Variants in TMEM116 observed in about 807,000 individuals in gnomAD.
TMEM116 encodes the protein transmembrane protein 116.
Under a neutral mutation model 44.3 loss-of-function variants are expected in TMEM116, and 38 were observed. The ratio of observed to expected loss-of-function variants is 0.86; its 90% CI spans 0.66 to 1.12. The LOEUF (loss-of-function observed/expected upper bound fraction) is 1.12, where lower values mean the gene tolerates loss of function less well. Among genes scored for constraint, TMEM116 ranks in the 50% most tolerant of loss-of-function variants. The pLI is 0.00. For synonymous variants in TMEM116, 132 were observed against 144.8 expected, an observed-to-expected ratio of 0.91 and a Z score of 0.64; for missense variants, 354 against 401.7, an observed-to-expected ratio of 0.88 and a Z score of 1.01.
chr12:112,006,273 A>C (rs1367128753), intron 1 of TMEM116: 1 of 152,272 alleles, frequency 6.6e-6, no homozygotes, highest in Non-Finnish European at 1.5e-5. Context: ...TAAAAAGCAG[A>C]CAGATACAGA....
chr12:111,940,622 A>G (rs987194846), intron 5 of TMEM116, among the ~76,000 whole-genome samples: 3 of 146,910 alleles, frequency 2.0e-5, no homozygotes, highest in South Asian at 2.2e-4. Flanking sequence ...CCAGTGATAG[A>G]GTATGGGTTA....
At chr12:111,944,514 G>A (rs769086302) in intron 4 of TMEM116, among the ~76,000 whole-genome samples, 4 of 152,052 alleles carry the variant, frequency 2.6e-5, no homozygotes, top group Non-Finnish European at 4.4e-5. Flanking sequence ...AAATTAGAGT[G>A]AGTACAGGAG....
chr12:111,953,388 A>G (rs1459751003), intron 4 of TMEM116, among the ~76,000 whole-genome samples: 1 of 152,208 alleles, frequency 6.6e-6, no homozygotes, highest in Non-Finnish European at 1.5e-5. Context: ...TGCTTTCAGA[A>G]AAAGATCTTG....
chr12:111,933,436 G>A (rs1362440970), intron 9 of TMEM116, among the ~76,000 whole-genome samples: 1 of 151,600 alleles, frequency 6.6e-6, no homozygotes, highest in African/African-American at 2.4e-5. Context: ...CTGGAAATAT[G>A]GGTAGGGCCC....
At chr12:111,955,354 G>A (rs2074006862) in intron 4 of TMEM116, among the ~76,000 whole-genome samples, 1 of 152,180 alleles carries the variant, frequency 6.6e-6, no homozygotes, top group Non-Finnish European at 1.5e-5. Flanking sequence ...CAGGTAAACA[G>A]AAATCTTAGT....
intron 5 of TMEM116, among the ~76,000 whole-genome samples, chr12:111,941,154 A>G (rs1247738969): frequency 6.6e-6 from 1 of 152,064 alleles, no homozygotes; most frequent in Non-Finnish European, 1.5e-5. Context: ...GAGGAAGGCA[A>G]ATCACGAGGT....
chr12:111,968,105 T>C (rs190530503), intron 4 of TMEM116, among the ~76,000 whole-genome samples: 21 of 152,270 alleles, frequency 1.4e-4, no homozygotes, highest in Admixed American at 7.2e-4. Flanking sequence ...GAGAACCTCA[T>C]AGATTTGCAG....
intron 2 of TMEM116, 42 bp from the exon 3 acceptor site, chr12:112,003,905 T>C: frequency 6.9e-7 from 1 of 1,443,594 alleles, no homozygotes; most frequent in East Asian, 2.8e-5. Flanking sequence ...AGCAGGACAA[T>C]GGAGTGCCAT....
At chr12:111,950,081 A>G (rs2073600088) in intron 4 of TMEM116, among the ~76,000 whole-genome samples, 1 of 152,110 alleles carries the variant, frequency 6.6e-6, no homozygotes, top group Admixed American at 6.5e-5. Context: ...CACCACTGCA[A>G]TCCAGCCTGG....
chr12:112,003,989 A>C, intron 2 of TMEM116, 126 bp from the exon 3 acceptor site: 1 of 1,328,456 alleles, frequency 7.5e-7, no homozygotes, highest in Non-Finnish European at 9.6e-7. Flanking sequence ...CTGCATTAAA[A>C]AAATTTTTAG....
chr12:111,993,261 T>C (rs11066116), intron 3 of TMEM116: 5,292 of 449,814 alleles, frequency 0.012, 235 homozygotes, highest in African/African-American at 0.093. Flanking sequence ...AGTGAAATGC[T>C]GTATGCAGGT....
chr12:112,005,579 T>C, intron 1 of TMEM116: 6 of 545,596 alleles, frequency 1.1e-5, no homozygotes, highest in Non-Finnish European at 1.4e-5. Flanking sequence ...AAAGGGAAAC[T>C]AGCCAGGCAC....
At chr12:111,991,604 AGT>A (rs537102282) in intron 4 of TMEM116, 152 bp downstream of exon 4, 61 of 622,364 alleles carry the variant, frequency 9.8e-5, no homozygotes, top group Non-Finnish European at 1.3e-4. Context: ...TCTATAATAT[AGT>A]GTTTTTAATA....
chr12:111,999,320 G>A lies in TMEM116; in HGVS notation c.78+4480C>T, dbSNP rs76181728. Among the ~76,000 whole-genome samples, 239 of 152,092 alleles carry A rather than the reference G, an allele frequency of 1.6e-3. 5 individuals are homozygous for A. In the East Asian group the frequency reaches 0.045, roughly 28 times the overall value. On this transcript the variant is annotated intron_variant, in intron 3 of 10. Coordinates refer to ENST00000552374, the MANE Select transcript of TMEM116 (RefSeq NM_001193531.2). ...TCTTTAAAAATATTGTAACTTGGCC[G>A]GGCGCGGTGACTCACGCCTGTAATC...
At chr12:111,965,804 C>T (rs1271115692) in intron 4 of TMEM116, 4 of 324,740 alleles carry the variant, frequency 1.2e-5, no homozygotes, top group East Asian at 1.2e-4. Flanking sequence ...GGCATGGTGG[C>T]GTATGCCTGT....
At chr12:111,990,406 C>T (rs1037897370) in intron 4 of TMEM116, among the ~76,000 whole-genome samples, 13 of 152,124 alleles carry the variant, frequency 8.5e-5, no homozygotes, top group Non-Finnish European at 1.8e-4. Context: ...GATTCTAATA[C>T]AGACTTTTCT....
At chr12:111,961,538 G>A (rs538773858) in intron 4 of TMEM116, among the ~76,000 whole-genome samples, 30 of 152,288 alleles carry the variant, frequency 2.0e-4, no homozygotes, top group African/African-American at 7.2e-4. Context: ...ATCAATAAAC[G>A]TAACCCATCA....
intron 1 of TMEM116, among the ~76,000 whole-genome samples, chr12:112,010,157 T>C (rs1722852286): frequency 6.6e-6 from 1 of 152,232 alleles, no homozygotes; most frequent in South Asian, 2.1e-4. Flanking sequence ...CATTCCCGTA[T>C]CTGCTCCTTT....
chr12:111,945,548 G>T (rs982619443), intron 4 of TMEM116, among the ~76,000 whole-genome samples: 1 of 151,792 alleles, frequency 6.6e-6, no homozygotes, highest in African/African-American at 2.4e-5. Flanking sequence ...AAAACCTCAA[G>T]AACTGTAATT....
Sources: allele counts gnomAD v4.1 joint callset (sites outside exome capture counted in the v4.1 genomes callset), GRCh38; gene constraint gnomAD v4.1.1; transcripts MANE v1.5; gene names NCBI Gene and HGNC (gene_info 2026-07-23, HGNC 2026-07-21).